Variants in ARHGAP40 observed in about 807,000 individuals in gnomAD.
ARHGAP40 encodes the protein Rho GTPase activating protein 40, also known as rho GTPase-activating protein 40.
ARHGAP40 carries 43 observed loss-of-function variants against 73.5 expected under a neutral mutation model. That is an observed-to-expected ratio of 0.58 (90% CI 0.46 to 0.75). ARHGAP40 has a LOEUF of 0.75. ARHGAP40 is among the 30% of genes least tolerant of loss of function. The pLI is 0.00. For synonymous variants in ARHGAP40, 300 were observed against 352.8 expected (o/e 0.85, Z 1.68); for missense variants, 734 against 861.8 (o/e 0.85, Z 1.86).
chr20:38,642,523 T>C (rs2089025589), intron 10 of ARHGAP40, among the ~76,000 whole-genome samples: 1 of 152,224 alleles, frequency 6.6e-6, no homozygotes, highest in South Asian at 2.1e-4. Context: ...TGAGGAATCA[T>C]GGGGTAGAAG....
At chr20:38,609,752 G>A (rs2088793672) in intron 1 of ARHGAP40, among the ~76,000 whole-genome samples, 1 of 152,232 alleles carries the variant, frequency 6.6e-6, no homozygotes, top group Non-Finnish European at 1.5e-5. Flanking sequence ...AAACTCCAGG[G>A]CAAGAGGGAG....
rs760641213 is a variant in ARHGAP40, at chr20:38,636,997, AC to A, written c.950-709del. ...TGGAAGGAGGAGTTTGCCTGAGAAG[AC>A]CTCAAGCCAGGGTGGTTAAGATTGA... On this transcript the variant is annotated intron_variant, in intron 6 of 14. Transcript: ENST00000373345. 5.8e-4 allele frequency among the ~76,000 whole-genome samples: 88 copies of A among 152,202 alleles called. 1 individual carries two copies. The highest frequency in any genetic ancestry group is 1.4e-3 in the Admixed American group (21 of 15,284).
chr20:38,609,583 G>A (rs113951795), intron 1 of ARHGAP40, among the ~76,000 whole-genome samples: 11 of 152,344 alleles, frequency 7.2e-5, no homozygotes, highest in African/African-American at 2.4e-4. Context: ...CATGGAGGGC[G>A]GTAAGTGCCA....
At chr20:38,616,546 T>A (rs1313994425) in intron 1 of ARHGAP40, among the ~76,000 whole-genome samples, 1 of 152,218 alleles carries the variant, frequency 6.6e-6, no homozygotes, top group East Asian at 1.9e-4. Flanking sequence ...ACAAGCGGCT[T>A]ATTACACAGT....
At chr20:38,641,929 GTGA>G (rs1197335701) in intron 10 of ARHGAP40, 121 bp downstream of exon 10, 1 of 736,644 alleles carries the variant, frequency 1.4e-6, no homozygotes, top group African/African-American at 1.9e-5. Context: ...CTAGGGTTCA[GTGA>G]TGACCCACAC....
intron 1 of ARHGAP40, chr20:38,614,864 C>T (rs746733930): frequency 8.3e-6 from 9 of 1,082,114 alleles, no homozygotes; most frequent in East Asian, 2.4e-5. Context: ...TACCTCATCA[C>T]GTCCTGAGCG....
At chr20:38,603,455 A>ATCTG (rs1555889760) in intron 1 of ARHGAP40, among the ~76,000 whole-genome samples, 23 of 126,892 alleles carry the variant, frequency 1.8e-4, no homozygotes, top group East Asian at 7.0e-4. Context: ...CTATCTATCT[A>ATCTG]TCTATCTATT....
intron 5 of ARHGAP40, among the ~76,000 whole-genome samples, chr20:38,630,147 T>TTCCA (rs1555792077): frequency 4.4e-5 from 6 of 137,252 alleles, no homozygotes; most frequent in African/African-American, 1.6e-4. Context: ...TCCTCCCTCC[T>TTCCA]TCCCTCCCTC....
At chr20:38,606,963 CCT>C (rs1569006341) in intron 1 of ARHGAP40, among the ~76,000 whole-genome samples, 1 of 152,214 alleles carries the variant, frequency 6.6e-6, no homozygotes, top group Admixed American at 6.5e-5. Context: ...AGTTACTTAA[CCT>C]TTCTGAGCCT....
intron 1 of ARHGAP40, among the ~76,000 whole-genome samples, chr20:38,614,635 A>G (rs1449296807): frequency 1.3e-5 from 2 of 152,208 alleles, no homozygotes; most frequent in Non-Finnish European, 2.9e-5. Context: ...GCTAGGGACA[A>G]TAACTTATTT....
At chr20:38,607,653 G>A (rs1026263027) in intron 1 of ARHGAP40, among the ~76,000 whole-genome samples, 19 of 152,118 alleles carry the variant, frequency 1.2e-4, no homozygotes, top group Admixed American at 1.3e-4. Flanking sequence ...TGTGGAGGCC[G>A]CTTCTCCACC....
chr20:38,611,924 G>T (rs938170790), intron 1 of ARHGAP40, among the ~76,000 whole-genome samples: 1 of 149,572 alleles, frequency 6.7e-6, no homozygotes, highest in African/African-American at 2.5e-5. Flanking sequence ...GGGTCTTGCT[G>T]TGTTGCCCAG....
At chr20:38,614,331 G>C (rs575101084) in intron 1 of ARHGAP40, among the ~76,000 whole-genome samples, 5 of 152,308 alleles carry the variant, frequency 3.3e-5, no homozygotes, top group Admixed American at 2.6e-4. Context: ...ACACATGGCT[G>C]TGCCCTGAGA....
At chr20:38,629,452 G>C (rs868019599) in intron 4 of ARHGAP40, 50 bp from the exon 5 acceptor site, 1 of 1,302,038 alleles carries the variant, frequency 7.7e-7, no homozygotes, top group Middle Eastern at 2.1e-4. Context: ...CTTGCTTCCT[G>C]GCAGCCAGTT....
At chr20:38,626,785 A>T (rs1264287213) in intron 2 of ARHGAP40, among the ~76,000 whole-genome samples, 1 of 152,086 alleles carries the variant, frequency 6.6e-6, no homozygotes, top group Non-Finnish European at 1.5e-5. Flanking sequence ...GGCTAATGCT[A>T]TCAGTACCCC....
At chr20:38,614,853 G>A (rs974675105) in intron 1 of ARHGAP40, 3 of 938,156 alleles carry the variant, frequency 3.2e-6, no homozygotes, top group Non-Finnish European at 3.5e-6. Context: ...AGAACCATGA[G>A]TACCTCATCA....
At chr20:38,645,654 GTA>G (rs1231866447) in intron 11 of ARHGAP40, among the ~76,000 whole-genome samples, 2 of 152,114 alleles carry the variant, frequency 1.3e-5, no homozygotes, top group Non-Finnish European at 2.9e-5. Flanking sequence ...GGAGGTCTCT[GTA>G]GGAATCCCCC....
chr20:38,637,824 G>T (rs1490226512), intron 7 of ARHGAP40, 25 bp downstream of exon 7: 2 of 1,300,472 alleles, frequency 1.5e-6, no homozygotes, highest in Non-Finnish European at 2.0e-6. Context: ...CCCCAGCTTG[G>T]GTTTATTTAA....
intron 1 of ARHGAP40, 32 bp downstream of exon 1, chr20:38,602,111 G>T: frequency 7.9e-7 from 1 of 1,264,510 alleles, no homozygotes; most frequent in Non-Finnish European, 1.0e-6. Flanking sequence ...GAGGGAAGTT[G>T]GCCCTACTAT....
Sources: gnomAD v4.1 joint callset for allele counts (sites outside exome capture counted in the v4.1 genomes callset) on GRCh38, gnomAD v4.1.1 for gene constraint, MANE v1.5 for transcripts, NCBI Gene and HGNC (gene_info 2026-07-23, HGNC 2026-07-21) for gene names.